Variants in ANKRD55 observed in about 807,000 individuals in gnomAD.
ANKRD55 encodes ankyrin repeat domain-containing protein 55.
ANKRD55 carries 41 observed loss-of-function variants against 60.6 expected under a neutral mutation model. The ratio of observed to expected loss-of-function variants is 0.68; its 90% CI spans 0.53 to 0.88. The LOEUF (loss-of-function observed/expected upper bound fraction) is 0.88. ANKRD55 is among the 40% of genes least tolerant of loss of function. ANKRD55 has a pLI of 0.00. For synonymous variants in ANKRD55, 264 were observed against 290.3 expected (o/e 0.91, Z 0.92); for missense variants, 732 against 767.6 (o/e 0.95, Z 0.55).
chr5:56,172,513 T>C (rs148186498), intron 4 of ANKRD55, among the ~76,000 whole-genome samples: 52 of 152,310 alleles, frequency 3.4e-4, no homozygotes, highest in Admixed American at 8.5e-4. Flanking sequence ...GGGGAAAGTT[T>C]GAAACACTTT....
At chr5:56,172,068 G>A (rs1262784777) in intron 4 of ANKRD55, among the ~76,000 whole-genome samples, 3 of 150,884 alleles carry the variant, frequency 2.0e-5, no homozygotes, top group Non-Finnish European at 4.4e-5. Context: ...GCAGTGAGCC[G>A]AGATCGCGCC....
intron 7 of ANKRD55, among the ~76,000 whole-genome samples, chr5:56,143,327 G>C (rs187102062): frequency 6.6e-6 from 1 of 152,148 alleles, no homozygotes; most frequent in African/African-American, 2.4e-5. Context: ...TGATTTGTTT[G>C]GTTGTGTGTA....
chr5:56,139,605 T>C (rs573202809), intron 7 of ANKRD55, among the ~76,000 whole-genome samples: 3 of 152,274 alleles, frequency 2.0e-5, no homozygotes, highest in Admixed American at 2.0e-4. Context: ...GGAATCTTTA[T>C]GATGTATTGT....
At chr5:56,221,465 G>T (rs1477213779) in intron 2 of ANKRD55, among the ~76,000 whole-genome samples, 1 of 152,194 alleles carries the variant, frequency 6.6e-6, no homozygotes, top group Non-Finnish European at 1.5e-5. Context: ...GAGGTACCAG[G>T]TTCATCTCAC....
intron 2 of ANKRD55, among the ~76,000 whole-genome samples, chr5:56,232,447 C>CA (rs774427997): frequency 4.6e-5 from 7 of 151,738 alleles, no homozygotes; most frequent in South Asian, 2.1e-4. Context: ...AATCGAATGA[C>CA]AAAAAAAATG....
At chr5:56,181,789 C>T (rs1248933601) in intron 3 of ANKRD55, among the ~76,000 whole-genome samples, 1 of 152,004 alleles carries the variant, frequency 6.6e-6, no homozygotes, top group African/African-American at 2.4e-5. Context: ...GGGGTTTCAC[C>T]GTGTTGGCCA....
At chr5:56,174,981 A>G (rs1026208035) in intron 4 of ANKRD55, among the ~76,000 whole-genome samples, 9 of 152,186 alleles carry the variant, frequency 5.9e-5, no homozygotes, top group African/African-American at 1.9e-4. Context: ...TAATGTGAAT[A>G]AGTTCTGATA....
At chr5:56,220,915 C>T (rs908946261) in intron 2 of ANKRD55, among the ~76,000 whole-genome samples, 2 of 152,230 alleles carry the variant, frequency 1.3e-5, no homozygotes, top group African/African-American at 4.8e-5. Context: ...CTTCTCCCAT[C>T]TCTCTTTCTC....
intron 10 of ANKRD55, among the ~76,000 whole-genome samples, chr5:56,107,419 C>A (rs537030942): frequency 1.3e-5 from 2 of 152,092 alleles, no homozygotes; most frequent in Non-Finnish European, 2.9e-5. Flanking sequence ...TGAGCAAATC[C>A]CCAAACCACG....
At chr5:56,121,592 C>T (rs544623824) in intron 8 of ANKRD55, among the ~76,000 whole-genome samples, 39 of 151,974 alleles carry the variant, frequency 2.6e-4, no homozygotes, top group African/African-American at 6.0e-4. Context: ...AGGCTGGTCT[C>T]GATCTCCTGA....
intron 5 of ANKRD55, among the ~76,000 whole-genome samples, chr5:56,163,107 A>G (rs1287962235): frequency 6.6e-6 from 1 of 152,144 alleles, no homozygotes; most frequent in African/African-American, 2.4e-5. Flanking sequence ...GAAGTCTCTG[A>G]GATCCATTGA....
chr5:56,145,084 G>A (rs1580978955), intron 6 of ANKRD55, among the ~76,000 whole-genome samples: 1 of 152,172 alleles, frequency 6.6e-6, no homozygotes, highest in African/African-American at 2.4e-5. Flanking sequence ...GCCTAGACAG[G>A]AGCACATTAA....
intron 10 of ANKRD55, among the ~76,000 whole-genome samples, chr5:56,102,833 G>A (rs980762761): frequency 5.9e-5 from 9 of 151,710 alleles, no homozygotes; most frequent in Non-Finnish European, 1.0e-4. Context: ...ATTTTATAAA[G>A]AAACACACTG....
intron 7 of ANKRD55, among the ~76,000 whole-genome samples, chr5:56,139,877 G>A (rs1172737565): frequency 6.6e-6 from 1 of 152,102 alleles, no homozygotes; most frequent in Non-Finnish European, 1.5e-5. Flanking sequence ...TTCAAGACCA[G>A]CATAGGCAAC....
intron 10 of ANKRD55, among the ~76,000 whole-genome samples, chr5:56,104,104 A>G (rs1428729276): frequency 6.6e-6 from 1 of 152,260 alleles, no homozygotes; most frequent in Non-Finnish European, 1.5e-5. Context: ...CTATTTATCC[A>G]TGAACACTTG....
chr5:56,123,812 C>T (rs1223106002), intron 8 of ANKRD55, among the ~76,000 whole-genome samples: 2 of 152,130 alleles, frequency 1.3e-5, no homozygotes, highest in African/African-American at 4.8e-5. Context: ...TACTCATGTC[C>T]TTGGGGCCAG....
Position 56,116,795 on chromosome 5 carries a change from T to G in ANKRD55, c.798-13A>C, listed in dbSNP as rs867474584. 1.9e-6 allele frequency: 3 copies of G among 1,589,734 alleles called. No individual in the cohort carries two copies. Among genetic ancestry groups the G allele is most frequent in the Non-Finnish European group, 2.6e-6 (3 of 1,169,514 alleles). On this transcript the variant is annotated splice_polypyrimidine_tract_variant and intron_variant, in intron 8 of 11. Coordinates refer to ENST00000341048, the MANE Select transcript of ANKRD55 (RefSeq NM_024669.3). ...GTGCAGAGGTGTCCTGGAGGGGCCATGTGAAAAAAGCACAAGCGTCTGAGC... is the reference window on the plus strand; with the variant it reads ...GTGCAGAGGTGTCCTGGAGGGGCCAGGTGAAAAAAGCACAAGCGTCTGAGC...
intron 9 of ANKRD55, among the ~76,000 whole-genome samples, chr5:56,115,273 C>T (rs318803): frequency 0.39 from 58,693 of 150,504 alleles, 11,763 homozygotes; most frequent in Middle Eastern, 0.53. Context: ...AAACACATTA[C>T]ATCGCAACAG....
intron 2 of ANKRD55, among the ~76,000 whole-genome samples, chr5:56,188,899 G>T (rs112333211): frequency 2.6e-5 from 4 of 151,994 alleles, no homozygotes; most frequent in Non-Finnish European, 5.9e-5. Context: ...AATAAACAGC[G>T]TTGTAATAAA....
Sources: allele counts gnomAD v4.1 joint callset (sites outside exome capture counted in the v4.1 genomes callset), GRCh38; gene constraint gnomAD v4.1.1; transcripts MANE v1.5; gene names NCBI Gene and HGNC (gene_info 2026-07-23, HGNC 2026-07-21).